Variants in ARRDC1 observed in about 807,000 individuals in gnomAD.
ARRDC1 encodes the protein arrestin domain-containing protein 1.
In ARRDC1, 37 loss-of-function variants were observed where a neutral mutation model predicts 40.1. The observed-to-expected ratio is 0.92, with a 90% CI of 0.71 to 1.21. The LOEUF is 1.21. Ranked by LOEUF, ARRDC1 falls within the 50% of genes most tolerant of loss-of-function variation. The pLI is 0.00. For synonymous variants in ARRDC1, 310 were observed against 262.5 expected, an observed-to-expected ratio of 1.18 and a Z score of -1.75; for missense variants, 641 against 581.9, an observed-to-expected ratio of 1.10 and a Z score of -1.04.
intron 1 of ARRDC1, among the ~76,000 whole-genome samples, chr9:137,611,160 G>C (rs1842509075): frequency 6.6e-6 from 1 of 152,214 alleles, no homozygotes; most frequent in East Asian, 1.9e-4. Context: ...GCTGTCTGCT[G>C]GTCCACAGGA....
At position 137,605,810 on chromosome 9, in the gene ARRDC1, C is replaced by A; in HGVS notation, c.93C>A (p.Arg31=). 7.8e-7 allele frequency: 1 copy of A among 1,281,326 alleles called. No individual in the cohort carries two copies. Among genetic ancestry groups the A allele is most frequent in the Non-Finnish European group, 9.9e-7 (1 of 1,014,386 alleles). 79.4% of individuals were successfully genotyped at this position (1,281,326 alleles called of 1,614,324 possible). A position where few individuals can be genotyped will look rare whatever the true frequency, so the allele number is the denominator to read the frequency against. ...CGTTGGCTGGGACCGTGCGCGTGCG[C>A]CTGGGGGCACCGCTGCCGTTCCGAG... ...GEPLAGTVRV[R]LGAPLPFRAI... Residue 31 remains arginine (R), a synonymous_variant, in exon 1 of 8, where the codon CGC becomes CGA. Transcript: ENST00000371421.
In ARRDC1 at chr9:137,615,184, T is replaced by G. The variant is rs368733277; in HGVS notation, c.*46T>G. ...GCAGGCCTGGCCTCTGCCCTGGGAC[T>G]GGGGCGCCCAGGGCCTCGTGCCTTC... On this transcript the variant is annotated 3_prime_UTR_variant, in exon 8 of 8. Transcript: ENST00000371421. The G allele has an allele frequency of 1.8e-4, 272 of 1,474,714 alleles. No individual in the cohort carries two copies. Among genetic ancestry groups the G allele is most frequent in the Non-Finnish European group, 2.3e-4 (257 of 1,109,100 alleles). The allele number at this position is 1,474,714 out of a possible 1,614,324, so 91.4% of individuals were successfully genotyped here. A position where few individuals can be genotyped will look rare whatever the true frequency, so the allele number is the denominator to read the frequency against.
intron 1 of ARRDC1, among the ~76,000 whole-genome samples, chr9:137,607,395 C>G (rs1293811019): frequency 1.3e-5 from 2 of 152,238 alleles, no homozygotes; most frequent in African/African-American, 2.4e-5. Flanking sequence ...CTTACTCTGC[C>G]GATGAGTGTC....
intron 1 of ARRDC1, among the ~76,000 whole-genome samples, chr9:137,610,690 G>A (rs955034137): frequency 4.6e-5 from 7 of 151,584 alleles, no homozygotes; most frequent in Non-Finnish European, 7.4e-5. Flanking sequence ...CAGCCTCCCT[G>A]GTAGCTGGGA....
Position 137,614,414 on chromosome 9 carries a change from C to T in ARRDC1, c.734C>T (p.Pro245Leu), listed in dbSNP as rs892970596. 1.2e-6 allele frequency: 2 copies of T among 1,613,232 alleles called. No homozygotes were observed. Among genetic ancestry groups the T allele is most frequent in the Non-Finnish European group, 1.7e-6 (2 of 1,179,932 alleles). The change falls in exon 6 of 8, where the codon CCT (proline) becomes CTT (leucine). Residue 245 changes from proline to leucine, a missense_variant. By Grantham distance (98) the Pro-to-Leu change is moderately conservative. Coordinates refer to ENST00000371421, the MANE Select transcript of ARRDC1 (RefSeq NM_152285.4). ...RAQWHEQILVPALPQSALPGC... is the reference protein window; with the variant it reads ...RAQWHEQILVLALPQSALPGC... ...CAGTGGCACGAGCAGATCCTGGTGC[C>T]TGCCTTGCCCCAGTCGGCCCTGCCG...
At chr9:137,605,891 C>T in intron 1 of ARRDC1, 56 bp downstream of exon 1, 1 of 1,099,218 alleles carries the variant, frequency 9.1e-7, no homozygotes, top group Admixed American at 4.4e-5. Context: ...GGCCAGGGCT[C>T]CCGGAAGCGG....
At chr9:137,610,162 C>T (rs530163519) in intron 1 of ARRDC1, among the ~76,000 whole-genome samples, 1 of 152,316 alleles carries the variant, frequency 6.6e-6, no homozygotes, top group Admixed American at 6.5e-5. Context: ...CAGTTACCTA[C>T]TGCTACGTAA....
chr9:137,613,952 G>C, intron 4 of ARRDC1, 80 bp from the exon 5 acceptor site: 1 of 1,573,818 alleles, frequency 6.4e-7, no homozygotes. Flanking sequence ...GGGCGTGGCA[G>C]GGCTGAGGGG....
chr9:137,613,030 A>C lies in ARRDC1; in HGVS notation c.229+24A>C, dbSNP rs1379710772. The C allele has an allele frequency of 3.8e-6, 6 of 1,578,326 alleles. No homozygotes were observed. In the African/African-American group the frequency reaches 8.1e-5, roughly 21 times the overall value. On this transcript the variant is annotated intron_variant, in intron 2 of 7. Transcript: ENST00000371421. ...GGGTAAGTTTGGGAGCCAGTTCCCG[A>C]GTGGTGACCCCTGGGGGCAGCCCTT...
At chr9:137,613,057 G>C (rs749227254) in intron 2 of ARRDC1, 51 bp downstream of exon 2, 1 of 1,374,588 alleles carries the variant, frequency 7.3e-7, no homozygotes, top group Non-Finnish European at 1.0e-6. Context: ...GCAGCCCTTG[G>C]AGTGGGGCCT....
At chr9:137,614,512 A>G (rs1422161671) in intron 6 of ARRDC1, 37 bp downstream of exon 6, 2 of 1,613,000 alleles carry the variant, frequency 1.2e-6, no homozygotes, top group East Asian at 2.2e-5. Context: ...TCTGAGGCCT[A>G]GTGGCCTTGG....
At position 137,613,602 on chromosome 9, in the gene ARRDC1, GCT is replaced by G. The variant is rs1201076950; in HGVS notation, c.281-7_281-6del. The G allele has an allele frequency of 1.2e-6, 2 of 1,614,168 alleles. No individual in the cohort carries two copies. The highest frequency in any genetic ancestry group is 1.3e-5 in the African/African-American group (1 of 75,072). ...GGAAGGCAGCCAGGTACCAGTGCCT[GCT>G]CTCTCCCCAGCCACTGCACCCACGT... On this transcript the variant is annotated splice_polypyrimidine_tract_variant and intron_variant, in intron 3 of 7. Transcript: ENST00000371421.
At chr9:137,607,598 G>A (rs1211955619) in intron 1 of ARRDC1, among the ~76,000 whole-genome samples, 1 of 152,218 alleles carries the variant, frequency 6.6e-6, no homozygotes. Flanking sequence ...GAGCACTCAT[G>A]GTGGGCCCGA....
chr9:137,610,033 C>G (rs1254946649), intron 1 of ARRDC1, among the ~76,000 whole-genome samples: 4 of 151,942 alleles, frequency 2.6e-5, no homozygotes, highest in Non-Finnish European at 5.9e-5. Context: ...CCAGGATGAT[C>G]TCGATCTCCT....
At chr9:137,614,503 C>T (rs199642721) in intron 6 of ARRDC1, 28 bp downstream of exon 6, 4 of 1,613,012 alleles carry the variant, frequency 2.5e-6, no homozygotes, top group Non-Finnish European at 2.5e-6. Flanking sequence ...GCTGGGTGGT[C>T]TGAGGCCTAG....
chr9:137,605,930 C>T (rs926388598), intron 1 of ARRDC1, 95 bp downstream of exon 1: 4 of 747,226 alleles, frequency 5.4e-6, no homozygotes, highest in Non-Finnish European at 5.4e-6. Context: ...GGGTTGGGCC[C>T]GCGGAGTCGC....
At chr9:137,608,069 G>A (rs1274168633) in intron 1 of ARRDC1, among the ~76,000 whole-genome samples, 1 of 152,048 alleles carries the variant, frequency 6.6e-6, no homozygotes, top group Admixed American at 6.5e-5. Flanking sequence ...TGCAAGCTCC[G>A]CCTCCCCGGT....
Position 137,605,693 on chromosome 9 carries a change from C to A in ARRDC1, c.-25C>A, listed in dbSNP as rs953232349. On this transcript the variant is annotated 5_prime_UTR_variant, in exon 1 of 8. Coordinates refer to ENST00000371421, the MANE Select transcript of ARRDC1 (RefSeq NM_152285.4). ...CGGGCGGCGGGCGGGGGCGTCGCTG[C>A]GCGGCTGGCCGGTGAGGCCGCGGCA... 26 of 1,316,332 alleles carry A rather than the reference C, an allele frequency of 2.0e-5. No individual in the cohort carries two copies. Among genetic ancestry groups the A allele is most frequent in the Non-Finnish European group, 2.3e-5 (24 of 1,030,882 alleles). 81.5% of individuals were successfully genotyped at this position (1,316,332 alleles called of 1,614,324 possible). A position where few individuals can be genotyped will look rare whatever the true frequency, so the allele number is the denominator to read the frequency against.
intron 1 of ARRDC1, chr9:137,611,894 G>C (rs1294001555): frequency 6.6e-6 from 1 of 152,318 alleles, no homozygotes; most frequent in Non-Finnish European, 1.5e-5. Context: ...GGCTGACCCT[G>C]GGCGCTCGGC....
Sources: gnomAD v4.1 joint callset for allele counts (sites outside exome capture counted in the v4.1 genomes callset) on GRCh38, gnomAD v4.1.1 for gene constraint, MANE v1.5 for transcripts, NCBI Gene and HGNC (gene_info 2026-07-23, HGNC 2026-07-21) for gene names.